CRIM1: variants seen among roughly 807,000 people sequenced by gnomAD.
The protein encoded by CRIM1 is cysteine-rich motor neuron 1 protein.
A neutral mutation model predicts 116.4 loss-of-function variants in CRIM1; 32 were observed. That is an observed-to-expected ratio of 0.27 (90% CI 0.21 to 0.37). The LOEUF (loss-of-function observed/expected upper bound fraction) is 0.37. CRIM1 is among the 10% of genes least tolerant of loss of function. The pLI, the probability that CRIM1 is intolerant of heterozygous loss-of-function variation, is 1.00. For synonymous variants in CRIM1, 590 were observed against 509.2 expected (o/e 1.16, Z -2.13); for missense variants, 1,331 against 1,354.8 (o/e 0.98, Z 0.28).
At chr2:36,535,111 AGGAG>A (rs141920970) in intron 13 of CRIM1, among the ~76,000 whole-genome samples, 1,351 of 108,654 alleles carry the variant, frequency 0.012, 22 homozygotes, top group African/African-American at 0.042. Context: ...GAGAGAGGGA[AGGAG>A]GGAGGGAGGG....
intron 12 of CRIM1, among the ~76,000 whole-genome samples, chr2:36,518,205 A>G (rs540609304): frequency 1.9e-4 from 29 of 152,346 alleles, no homozygotes; most frequent in African/African-American, 7.0e-4. Flanking sequence ...TACTGGTTTT[A>G]TATAACTTTA....
chr2:36,385,876 A>G (rs1671131431), intron 1 of CRIM1, among the ~76,000 whole-genome samples: 1 of 152,214 alleles, frequency 6.6e-6, no homozygotes, highest in Non-Finnish European at 1.5e-5. Context: ...TGTCTGGCAC[A>G]TAGAAAGTGC....
At chr2:36,450,749 A>G (rs4141687) in intron 4 of CRIM1, among the ~76,000 whole-genome samples, 3,492 of 152,352 alleles carry the variant, frequency 0.023, 97 homozygotes, top group East Asian at 0.091. Flanking sequence ...AGCGAAGGTC[A>G]TCAATGTCGT....
chr2:36,516,590 A>G (rs1665044274), intron 11 of CRIM1, among the ~76,000 whole-genome samples: 2 of 152,144 alleles, frequency 1.3e-5, no homozygotes. Flanking sequence ...CTTCATGATG[A>G]TATTGCCAAG....
At chr2:36,431,809 C>G (rs1674916012) in intron 2 of CRIM1, among the ~76,000 whole-genome samples, 2 of 152,204 alleles carry the variant, frequency 1.3e-5, no homozygotes, top group Admixed American at 6.5e-5. Context: ...GCCAGCCCCT[C>G]ATTTTACAGA....
intron 2 of CRIM1, among the ~76,000 whole-genome samples, chr2:36,408,491 C>T (rs868844667): frequency 3.0e-4 from 45 of 152,288 alleles, no homozygotes; most frequent in Admixed American, 3.3e-4. Flanking sequence ...AATCCCAGCC[C>T]GGGAGGCCTT....
At chr2:36,454,587 A>G (rs1170337505) in intron 4 of CRIM1, among the ~76,000 whole-genome samples, 1 of 152,184 alleles carries the variant, frequency 6.6e-6, no homozygotes, top group Non-Finnish European at 1.5e-5. Flanking sequence ...GGGTTGAATC[A>G]CAGTTTGCAG....
chr2:36,471,749 ACACACACACACC>A (rs758646040), intron 5 of CRIM1, among the ~76,000 whole-genome samples: 5,171 of 149,720 alleles, frequency 0.035, 129 homozygotes, highest in African/African-American at 0.069. Flanking sequence ...ACACACACAC[ACACACACACACC>A]ATCTTACAAT....
At chr2:36,386,009 A>T (rs1033990270) in intron 1 of CRIM1, among the ~76,000 whole-genome samples, 2 of 152,216 alleles carry the variant, frequency 1.3e-5, no homozygotes, top group African/African-American at 4.8e-5. Context: ...TTATTTTCAG[A>T]GCACCATGTG....
At chr2:36,376,599 G>T (rs1370883981) in intron 1 of CRIM1, among the ~76,000 whole-genome samples, 1 of 152,194 alleles carries the variant, frequency 6.6e-6, no homozygotes, top group African/African-American at 2.4e-5. Context: ...CTTGCCAGGG[G>T]TAAATGCTGG....
rs1177602067 is a variant in CRIM1 at position 36,476,982 on chromosome 2, G to T, written c.1085G>T (p.Gly362Val). 3 of 1,614,046 alleles carry T rather than the reference G, an allele frequency of 1.9e-6. No homozygotes were observed. The highest frequency in any genetic ancestry group is 2.5e-6 in the Non-Finnish European group (3 of 1,179,874). ...TGTCGGTTCTGTCGATGCCAAGGGG[G>T]CGTTGCCATCTGCTTCACCGCCCAG... Reference protein sequence around the residue: ...DNCRFCRCQGGVAICFTAQCG... With the variant: ...DNCRFCRCQGVVAICFTAQCG... The change falls in exon 6 of 17, where the codon GGC becomes GTC. Residue 362 changes from glycine to valine, a missense_variant. Physicochemically the swap from Gly to Val is moderately radical, Grantham distance 109. Coordinates refer to ENST00000280527, the MANE Select transcript of CRIM1 (RefSeq NM_016441.3).
chr2:36,372,296 A>G (rs1420065001), intron 1 of CRIM1, among the ~76,000 whole-genome samples: 1 of 152,170 alleles, frequency 6.6e-6, no homozygotes, highest in African/African-American at 2.4e-5. Flanking sequence ...AAACCCTATG[A>G]CTTCAGAGAC....
At chr2:36,432,958 G>A (rs1675008678) in intron 2 of CRIM1, among the ~76,000 whole-genome samples, 1 of 152,052 alleles carries the variant, frequency 6.6e-6, no homozygotes, top group Non-Finnish European at 1.5e-5. Flanking sequence ...TCAAACTATA[G>A]TATGCATGAG....
intron 7 of CRIM1, among the ~76,000 whole-genome samples, chr2:36,491,383 T>G (rs1258023867): frequency 1.3e-5 from 2 of 152,318 alleles, no homozygotes; most frequent in East Asian, 3.9e-4. Flanking sequence ...TACAACAGCC[T>G]TAAGATCTGG....
chr2:36,432,205 G>C (rs1006163253), intron 2 of CRIM1, among the ~76,000 whole-genome samples: 2 of 152,128 alleles, frequency 1.3e-5, no homozygotes, highest in Non-Finnish European at 2.9e-5. Flanking sequence ...TTCGGTGGGG[G>C]AGGTATTCAG....
At chr2:36,423,752 TTAA>T (rs1674248246) in intron 2 of CRIM1, among the ~76,000 whole-genome samples, 1 of 152,206 alleles carries the variant, frequency 6.6e-6, no homozygotes, top group South Asian at 2.1e-4. Context: ...TTGTAACTAT[TTAA>T]AGGTCAGCAG....
chr2:36,444,891 T>C (rs963395155), intron 4 of CRIM1, among the ~76,000 whole-genome samples: 1 of 152,228 alleles, frequency 6.6e-6, no homozygotes, highest in Non-Finnish European at 1.5e-5. Flanking sequence ...TTTGAAGTGT[T>C]GTCACTCTTC....
At chr2:36,478,015 T>G (rs1307153242) in intron 6 of CRIM1, among the ~76,000 whole-genome samples, 1 of 152,218 alleles carries the variant, frequency 6.6e-6, no homozygotes, top group Non-Finnish European at 1.5e-5. Flanking sequence ...AAGTCGCATG[T>G]GTTAATCTTA....
At chr2:36,436,917 A>G (rs1456156272) in intron 2 of CRIM1, among the ~76,000 whole-genome samples, 1 of 152,262 alleles carries the variant, frequency 6.6e-6, no homozygotes, top group African/African-American at 2.4e-5. Flanking sequence ...TTACTTAGCA[A>G]CAAGTCACAC....
Sources: allele counts gnomAD v4.1 joint callset (sites outside exome capture counted in the v4.1 genomes callset), GRCh38; gene constraint gnomAD v4.1.1; transcripts MANE v1.5; gene names NCBI Gene and HGNC (gene_info 2026-07-23, HGNC 2026-07-21).